PCDHA1: variants seen among roughly 807,000 people sequenced by gnomAD.
PCDHA1 encodes the protein protocadherin alpha 1.
In PCDHA1, 42 loss-of-function variants were observed where a neutral mutation model predicts 61.3. The ratio of observed to expected loss-of-function variants is 0.69; its 90% CI spans 0.54 to 0.89. PCDHA1 has a LOEUF of 0.89. Among genes scored for constraint, PCDHA1 ranks in the 40% least tolerant of loss-of-function variants. PCDHA1 has a pLI of 0.00. For synonymous variants in PCDHA1, 610 were observed against 553.8 expected (o/e 1.10, Z -1.43); for missense variants, 1,256 against 1,235.3 (o/e 1.02, Z -0.25).
At chr5:140,901,474 T>C (rs2068694853) in intron 1 of PCDHA1, among the ~76,000 whole-genome samples, 1 of 152,216 alleles carries the variant, frequency 6.6e-6, no homozygotes, top group Admixed American at 6.5e-5. Context: ...CTCGAGTTTA[T>C]GTTCTTGGCA....
At position 140,843,553 on chromosome 5, in the gene PCDHA1, G is replaced by A. The variant is rs1275122592; in HGVS notation, c.2394+54869G>A. On this transcript the variant is annotated intron_variant, in intron 1 of 3. Coordinates refer to ENST00000504120, the MANE Select transcript of PCDHA1 (RefSeq NM_018900.4). ...AGCCCACTCTGGTGTGCTCCAGTGC[G>A]GTGGGGAGCTGGTCATACTCGCAAC... 15 of 1,595,808 alleles carry A rather than the reference G, an allele frequency of 9.4e-6. 2 individuals carry two copies. The highest frequency in any genetic ancestry group is 2.2e-5 in the South Asian group (2 of 90,502).
chr5:140,861,130 A>C (rs1554154191), intron 1 of PCDHA1: 1 of 153,606 alleles, frequency 6.5e-6, no homozygotes, highest in Non-Finnish European at 1.4e-5. Flanking sequence ...CATTAAGACC[A>C]CTTGGAACCT....
rs2054518116 is a variant in PCDHA1, at chr5:140,873,832, T to G, written c.2394+85148T>G. Among the ~76,000 whole-genome samples, 4 of 152,260 alleles carry G rather than the reference T, an allele frequency of 2.6e-5. No homozygotes were observed. In the South Asian group the frequency reaches 8.3e-4, roughly 32 times the overall value. On this transcript the variant is annotated intron_variant, in intron 1 of 3. Transcript: ENST00000504120. ...TGCACCACCACTCCTGGCTAATTTT[T>G]GTATTTTTAGTAGAGATGGGTTTTC...
intron 1 of PCDHA1, chr5:140,869,862 A>G: frequency 3.7e-6 from 6 of 1,610,466 alleles, no homozygotes; most frequent in Non-Finnish European, 5.1e-6. Flanking sequence ...GCCTTATGGA[A>G]AATGCTGCTA....
intron 1 of PCDHA1, chr5:140,884,276 G>C: frequency 6.8e-6 from 11 of 1,613,638 alleles, no homozygotes; most frequent in Non-Finnish European, 9.3e-6. Context: ...GTTGTCGCTG[G>C]TGGAGAGCGG....
rs140822878 is a variant in PCDHA1 at position 140,941,951 on chromosome 5, A to C, written c.2395-36998A>C. Among the ~76,000 whole-genome samples the C allele has an allele frequency of 9.8e-5, 15 of 152,306 alleles. No individual in the cohort carries two copies. The East Asian group carries it at 2.7e-3, about 27-fold the overall frequency. On this transcript the variant is annotated intron_variant, in intron 1 of 3. Transcript: ENST00000504120. Reference sequence around the variant, plus strand: ...ATATTTGAATTACTTTTGTTTTGAAAACAATAGTATCTTTACTTTCCCTAA... The same window carrying C: ...ATATTTGAATTACTTTTGTTTTGAACACAATAGTATCTTTACTTTCCCTAA...
At chr5:140,963,631 G>A (rs1168776991) in intron 1 of PCDHA1, among the ~76,000 whole-genome samples, 2 of 152,144 alleles carry the variant, frequency 1.3e-5, no homozygotes, top group African/African-American at 2.4e-5. Flanking sequence ...TGTTGCATAC[G>A]CATCTTCCCT....
intron 1 of PCDHA1, chr5:140,830,381 C>T: frequency 6.2e-7 from 1 of 1,614,138 alleles, no homozygotes; most frequent in Non-Finnish European, 8.5e-7. Context: ...CGGGGAGGGC[C>T]CACCCAAGAT....
At chr5:140,829,990 C>T (rs1554132444) in intron 1 of PCDHA1, 7 of 1,613,856 alleles carry the variant, frequency 4.3e-6, no homozygotes, top group Non-Finnish European at 5.9e-6. Flanking sequence ...AGATCAGCAC[C>T]ACTCGTGTCC....
intron 1 of PCDHA1, among the ~76,000 whole-genome samples, chr5:140,974,864 C>A (rs949061887): frequency 3.9e-5 from 6 of 152,124 alleles, no homozygotes; most frequent in Non-Finnish European, 8.8e-5. Flanking sequence ...TGCCTTAATG[C>A]GGAACAGTCT....
chr5:140,972,398 A>G (rs2096535021), intron 1 of PCDHA1, among the ~76,000 whole-genome samples: 1 of 151,358 alleles, frequency 6.6e-6, no homozygotes, highest in Non-Finnish European at 1.5e-5. Flanking sequence ...TTGCTTCACT[A>G]TTGGCAAACC....
intron 1 of PCDHA1, chr5:140,862,689 C>A: frequency 7.2e-6 from 4 of 554,298 alleles, no homozygotes; most frequent in South Asian, 4.1e-5. Context: ...TGGTGTCCTA[C>A]TCGTTGATGG....
At chr5:140,823,670 C>G (rs1434393757) in intron 1 of PCDHA1, 4 of 1,614,038 alleles carry the variant, frequency 2.5e-6, no homozygotes, top group Non-Finnish European at 3.4e-6. Flanking sequence ...GAGATCAGCA[C>G]AACACGCTCT....
At chr5:140,863,601 A>G (rs781889102) in intron 1 of PCDHA1, 1 of 355,024 alleles carries the variant, frequency 2.8e-6, no homozygotes, top group Non-Finnish European at 5.6e-6. Flanking sequence ...TTTCATTCCT[A>G]TTAATGTCCC....
rs1554202548 is a variant in PCDHA1, at chr5:140,925,108, G to GGAA, written c.2395-53840_2395-53839insAAG. 5.0e-3 allele frequency among the ~76,000 whole-genome samples: 619 copies of GGAA among 124,770 alleles called. 3 individuals are homozygous for GGAA. Among genetic ancestry groups the GGAA allele is most frequent in the African/African-American group, 0.02 (595 of 30,200 alleles). The allele number at this position is 124,770 out of a possible 152,430, so 81.9% of individuals were successfully genotyped here. ...AAGGAAGGAAGGAAGGAAGGAAGGA[G>GGAA]GGAAGGAAGGAAGGAAAAAAAATTT... is the stretch of plus-strand genomic sequence containing the variant. On this transcript the variant is annotated intron_variant, in intron 1 of 3. Coordinates refer to ENST00000504120, the MANE Select transcript of PCDHA1 (RefSeq NM_018900.4).
intron 1 of PCDHA1, chr5:140,969,386 C>T (rs782109093): frequency 2.5e-6 from 4 of 1,596,966 alleles, no homozygotes; most frequent in South Asian, 1.1e-5. Flanking sequence ...TACACATCCC[C>T]CAATATCCTG....
Position 140,834,771 on chromosome 5 carries a change from C to A in PCDHA1, c.2394+46087C>A, listed in dbSNP as rs2150226115. 3 of 1,613,992 alleles carry A rather than the reference C, an allele frequency of 1.9e-6. No individual in the cohort carries two copies. In the South Asian group the frequency reaches 3.3e-5, roughly 18 times the overall value. On this transcript the variant is annotated intron_variant, in intron 1 of 3. Transcript: ENST00000504120. ...GGAGGTGAAGGACATTAACGACAAC[C>A]CTCCGGTGTTCCCAGCGACACAAAG...
chr5:140,788,196 G>C lies in PCDHA1; in HGVS notation c.1906G>C (p.Val636Leu). ...CACGGGCGAGATCAGCACGACTCGT[G>C]TCCTGGACGAGGCTGACTTGTCGCG... ...LYTGEISTTR[V>L]LDEADLSRYR... Residue 636 changes from valine (V) to leucine (L), a missense_variant, in exon 1 of 4, where the codon GTC (valine) becomes CTC (leucine). By Grantham distance (32) the Val-to-Leu change is conservative (BLOSUM62 1). Coordinates refer to ENST00000504120, the MANE Select transcript of PCDHA1 (RefSeq NM_018900.4). 1 of 1,614,078 alleles carries C rather than the reference G, an allele frequency of 6.2e-7. No individual in the cohort carries two copies. The highest frequency in any genetic ancestry group is 8.5e-7 in the Non-Finnish European group (1 of 1,179,934).
intron 1 of PCDHA1, among the ~76,000 whole-genome samples, chr5:140,936,151 C>G (rs947807537): frequency 6.6e-6 from 1 of 152,128 alleles, no homozygotes; most frequent in Non-Finnish European, 1.5e-5. Context: ...CCTTGGCCTC[C>G]TAAAGTGCTG....
Sources: gnomAD v4.1 joint callset for allele counts (sites outside exome capture counted in the v4.1 genomes callset) on GRCh38, gnomAD v4.1.1 for gene constraint, MANE v1.5 for transcripts, NCBI Gene and HGNC (gene_info 2026-07-23, HGNC 2026-07-21) for gene names.